CNTNAP2: variants seen among roughly 807,000 people sequenced by gnomAD.
CNTNAP2 encodes the protein contactin associated protein 2.
In CNTNAP2, 98 loss-of-function variants were observed where a neutral mutation model predicts 155.2. That is an observed-to-expected ratio of 0.63 (90% CI 0.54 to 0.75). CNTNAP2 has a LOEUF of 0.75. Ranked by LOEUF, CNTNAP2 falls within the 30% of genes least tolerant of loss-of-function variation. CNTNAP2 has a pLI of 0.00. For synonymous variants in CNTNAP2, 651 were observed against 631.2 expected, an observed-to-expected ratio of 1.03 and a Z score of -0.47; for missense variants, 1,727 against 1,688.1, an observed-to-expected ratio of 1.02 and a Z score of -0.40.
chr7:146,998,647 T>G (rs1327744281), intron 3 of CNTNAP2, among the ~76,000 whole-genome samples: 1 of 152,024 alleles, frequency 6.6e-6, no homozygotes, highest in Non-Finnish European at 1.5e-5. Flanking sequence ...TCGCTTACTC[T>G]TAGTGTATTT....
intron 1 of CNTNAP2, among the ~76,000 whole-genome samples, chr7:146,367,971 C>T (rs1024031460): frequency 6.6e-6 from 1 of 152,102 alleles, no homozygotes; most frequent in Non-Finnish European, 1.5e-5. Flanking sequence ...CTTCTTTTCT[C>T]TCATGGAAGT....
chr7:147,625,940 A>G (rs1794963223), intron 12 of CNTNAP2, among the ~76,000 whole-genome samples: 1 of 152,212 alleles, frequency 6.6e-6, no homozygotes, highest in East Asian at 1.9e-4. Context: ...TGGAGTTGAA[A>G]TGGATTTAGG....
At chr7:147,744,690 G>T (rs527527722) in intron 13 of CNTNAP2, among the ~76,000 whole-genome samples, 2 of 152,166 alleles carry the variant, frequency 1.3e-5, no homozygotes, top group African/African-American at 2.4e-5. Flanking sequence ...TCTGGTGAGG[G>T]CTCTCTTCCT....
At chr7:147,973,458 A>G (rs1203564454) in intron 14 of CNTNAP2, among the ~76,000 whole-genome samples, 2 of 152,158 alleles carry the variant, frequency 1.3e-5, no homozygotes, top group Non-Finnish European at 2.9e-5. Flanking sequence ...TGTTATTACT[A>G]CTAGCTATAC....
intron 1 of CNTNAP2, among the ~76,000 whole-genome samples, chr7:146,736,812 T>A (rs910470707): frequency 6.6e-6 from 1 of 152,198 alleles, no homozygotes; most frequent in Admixed American, 6.5e-5. Flanking sequence ...CTGGATCATA[T>A]GAGTAAGGTC....
At chr7:146,712,075 CATCTTATGTATACTATATAGTATACAT>C (rs1474519592) in intron 1 of CNTNAP2, among the ~76,000 whole-genome samples, 774 of 88,556 alleles carry the variant, frequency 8.7e-3, no homozygotes, top group South Asian at 0.017. Context: ...ATAGTATACA[CATCTTATGTATACTATATAGTATACAT>C]ATCTTATGTA....
intron 8 of CNTNAP2, among the ~76,000 whole-genome samples, chr7:147,275,625 A>C (rs1804878995): frequency 6.6e-6 from 1 of 152,008 alleles, no homozygotes. Flanking sequence ...ATAATTTAAC[A>C]ATTCCTTTTC....
intron 2 of CNTNAP2, among the ~76,000 whole-genome samples, chr7:146,816,033 T>G (rs1191512632): frequency 6.6e-6 from 1 of 152,208 alleles, no homozygotes; most frequent in African/African-American, 2.4e-5. Context: ...GTCCTTGTGA[T>G]AGTTTGCTCA....
intron 13 of CNTNAP2, among the ~76,000 whole-genome samples, chr7:147,879,520 G>A (rs948016482): frequency 6.6e-6 from 1 of 152,064 alleles, no homozygotes; most frequent in African/African-American, 2.4e-5. Flanking sequence ...ACAAGGGCAG[G>A]CACAGTCCTG....
At chr7:147,421,570 G>A (rs1315801755) in intron 10 of CNTNAP2, among the ~76,000 whole-genome samples, 1 of 96,024 alleles carries the variant, frequency 1.0e-5, no homozygotes, top group Non-Finnish European at 2.1e-5. Flanking sequence ...ATATGTCCTG[G>A]TATGTCTATC....
chr7:147,250,321 C>G (rs1804168340), intron 8 of CNTNAP2, among the ~76,000 whole-genome samples: 1 of 152,078 alleles, frequency 6.6e-6, no homozygotes, highest in South Asian at 2.1e-4. Context: ...ATCAAGAGAA[C>G]CTGCCCCTTT....
At chr7:146,921,932 A>G (rs1384739705) in intron 3 of CNTNAP2, among the ~76,000 whole-genome samples, 1 of 152,146 alleles carries the variant, frequency 6.6e-6, no homozygotes, top group Admixed American at 6.6e-5. Context: ...TAGAGGAAGA[A>G]AGAGATGACA....
intron 21 of CNTNAP2, among the ~76,000 whole-genome samples, chr7:148,309,781 G>T (rs938337066): frequency 1.3e-5 from 2 of 152,166 alleles, no homozygotes; most frequent in Non-Finnish European, 2.9e-5. Context: ...ATACGTGCAG[G>T]TCACAGGGGA....
At chr7:146,790,151 ATAAAG>A (rs1317628668) in intron 2 of CNTNAP2, among the ~76,000 whole-genome samples, 2 of 152,162 alleles carry the variant, frequency 1.3e-5, no homozygotes, top group Non-Finnish European at 2.9e-5. Context: ...CAAGTATTAA[ATAAAG>A]TAAAGCAAAG....
intron 3 of CNTNAP2, among the ~76,000 whole-genome samples, chr7:146,891,509 T>C (rs773254768): frequency 6.6e-6 from 1 of 152,230 alleles, no homozygotes; most frequent in Admixed American, 6.5e-5. Context: ...TCAGAAGTTA[T>C]GCAAAAGATA....
At chr7:147,318,568 G>A (rs1361563377) in intron 9 of CNTNAP2, among the ~76,000 whole-genome samples, 1 of 152,044 alleles carries the variant, frequency 6.6e-6, no homozygotes, top group Non-Finnish European at 1.5e-5. Context: ...CACAGGAACA[G>A]AAAACCAACA....
rs576432986 is a variant in CNTNAP2, at chr7:146,656,448, A to C, written c.98-117823A>C. Reference sequence around the variant, plus strand: ...AAACCGCTCAGTGTTAGAAATTGTCACTGATCCATGTCAAATTCAGCAAAC... The same window carrying C: ...AAACCGCTCAGTGTTAGAAATTGTCCCTGATCCATGTCAAATTCAGCAAAC... On this transcript the variant is annotated intron_variant, in intron 1 of 23. Coordinates refer to ENST00000361727, the MANE Select transcript of CNTNAP2 (RefSeq NM_014141.6). Among the ~76,000 whole-genome samples, 3 of 152,344 alleles carry C rather than the reference A, an allele frequency of 2.0e-5. No individual in the cohort carries two copies. The East Asian group carries it at 5.8e-4, about 29-fold the overall frequency.
intron 1 of CNTNAP2, among the ~76,000 whole-genome samples, chr7:146,515,670 A>G (rs368097974): frequency 7.3e-4 from 111 of 152,212 alleles, no homozygotes; most frequent in African/African-American, 2.6e-3. Context: ...GCTAGGCAAT[A>G]TAGATTTATT....
At chr7:148,248,148 T>C (rs1796306219) in intron 20 of CNTNAP2, among the ~76,000 whole-genome samples, 1 of 152,044 alleles carries the variant, frequency 6.6e-6, no homozygotes, top group South Asian at 2.1e-4. Context: ...CCCAAGCATT[T>C]ACTGATCAAA....
Sources: allele counts gnomAD v4.1 joint callset (sites outside exome capture counted in the v4.1 genomes callset), GRCh38; gene constraint gnomAD v4.1.1; transcripts MANE v1.5; gene names NCBI Gene and HGNC (gene_info 2026-07-23, HGNC 2026-07-21).